The following RLBP1 variants were observed in gnomAD, a reference collection of about 807,000 sequenced individuals.
RLBP1 encodes retinaldehyde binding protein 1, also known as retinaldehyde-binding protein 1.
A neutral mutation model predicts 36.2 loss-of-function variants in RLBP1; 26 were observed. That is an observed-to-expected ratio of 0.72 (90% CI 0.53 to 1.00). The LOEUF (loss-of-function observed/expected upper bound fraction) is 1.00, where lower values mean the gene tolerates loss of function less well. Ranked by LOEUF, RLBP1 falls within the 50% of genes least tolerant of loss-of-function variation. The pLI, the probability that RLBP1 is intolerant of heterozygous loss-of-function variation, is 0.00. For synonymous variants in RLBP1, 155 were observed against 156.2 expected, an observed-to-expected ratio of 0.99 and a Z score of 0.06; for missense variants, 410 against 402.4, an observed-to-expected ratio of 1.02 and a Z score of -0.16.
At position 89,211,648 on chromosome 15, in the gene RLBP1, C is replaced by A; in HGVS notation, c.684+95G>T. 5.1e-6 allele frequency: 7 copies of A among 1,370,470 alleles called. No individual in the cohort carries two copies. The highest frequency in any genetic ancestry group is 6.1e-6 in the Non-Finnish European group (6 of 976,156). 84.9% of individuals were successfully genotyped at this position (1,370,470 alleles called of 1,614,324 possible). A position where few individuals can be genotyped will look rare whatever the true frequency, so the allele number is the denominator to read the frequency against. ...CTCTTTATGGCGCGAGGTGGTCCAACTTCTCAGTTCCCTGCAAGCACCATG... is the reference window on the plus strand; with the variant it reads ...CTCTTTATGGCGCGAGGTGGTCCAAATTCTCAGTTCCCTGCAAGCACCATG... On this transcript the variant is annotated intron_variant, in intron 7 of 8. Coordinates refer to ENST00000268125, the MANE Select transcript of RLBP1 (RefSeq NM_000326.5). This position sits in a 1 kb window ranked among gnomAD's most constrained non-coding sequence, Gnocchi z 5.8.
At position 89,211,913 on chromosome 15, in the gene RLBP1, A is replaced by G; in HGVS notation, c.526-12T>C. On this transcript the variant is annotated splice_polypyrimidine_tract_variant and intron_variant, in intron 6 of 8. Transcript: ENST00000268125. The surrounding 1 kb of genome is among the most constrained non-coding windows in gnomAD (Gnocchi z 5.8). ...TATGCCTGCAAGATCTTGGGCACAGAGAGAACAGGCTGTAAGATCTAACCC... is the reference window on the plus strand; with the variant it reads ...TATGCCTGCAAGATCTTGGGCACAGGGAGAACAGGCTGTAAGATCTAACCC... 10 of 1,614,132 alleles carry G rather than the reference A, an allele frequency of 6.2e-6. No individual in the cohort carries two copies. Among genetic ancestry groups the G allele is most frequent in the Non-Finnish European group, 7.6e-6 (9 of 1,180,032 alleles).
chr15:89,217,583 G>A (rs2150971471), intron 4 of RLBP1, among the ~76,000 whole-genome samples: 1 of 152,362 alleles, frequency 6.6e-6, no homozygotes, highest in African/African-American at 2.4e-5. Context: ...CACTCACTGA[G>A]CCTTTGCCTA....
chr15:89,216,442 C>G (rs2051580892), intron 5 of RLBP1, among the ~76,000 whole-genome samples: 1 of 152,214 alleles, frequency 6.6e-6, no homozygotes, highest in Non-Finnish European at 1.5e-5. Context: ...CCTGCTTCAG[C>G]CTCCCCAGTA....
At position 89,210,180 on chromosome 15, in the gene RLBP1, G is replaced by T. The variant is rs370364039; in HGVS notation, c.*105C>A. On this transcript the variant is annotated 3_prime_UTR_variant, in exon 9 of 9. Coordinates refer to ENST00000268125, the MANE Select transcript of RLBP1 (RefSeq NM_000326.5). The surrounding 1 kb of genome is among the most constrained non-coding windows in gnomAD (Gnocchi z 4.7). The stretch of plus-strand genomic sequence containing the variant: ...CTCACTCGGGCTTAGGGAGTCTAAG[G>T]GGGGACCACAGTCATCTCAAGCAGC... 3 of 1,365,474 alleles carry T rather than the reference G, an allele frequency of 2.2e-6. No individual in the cohort carries two copies. The highest frequency in any genetic ancestry group is 2.3e-5 in the South Asian group (2 of 85,464). The allele number at this position is 1,365,474 out of a possible 1,614,324, so 84.6% of individuals were successfully genotyped here.
In RLBP1 at chr15:89,217,103, C is replaced by T. The variant is rs919371413; in HGVS notation, c.346+17G>A. On this transcript the variant is annotated intron_variant, in intron 5 of 8. Transcript: ENST00000268125. ...CTCCCGTCTTCCCAGGGCCGTCCCT[C>T]CAAGCACTGGCCTCACCTCTGAGCA... 1.9e-6 allele frequency: 3 copies of T among 1,613,356 alleles called. No homozygotes were observed. The highest frequency in any genetic ancestry group is 2.5e-6 in the Non-Finnish European group (3 of 1,179,714).
intron 5 of RLBP1, among the ~76,000 whole-genome samples, chr15:89,216,592 G>A (rs572098806): frequency 1.3e-5 from 2 of 152,194 alleles, no homozygotes; most frequent in Non-Finnish European, 2.9e-5. Flanking sequence ...AAAGTGCTGG[G>A]ATTACAGGCG....
In RLBP1 at chr15:89,218,927, G is replaced by A. The variant is rs190151332; in HGVS notation, c.12+37C>T. ...AGGGAAGAGAGAGAAGAGAGGGAAG[G>A]TGGGTGGAGGAGAGCCCTGGAGGAC... On this transcript the variant is annotated intron_variant, in intron 3 of 8. Coordinates refer to ENST00000268125, the MANE Select transcript of RLBP1 (RefSeq NM_000326.5). The surrounding 1 kb of genome is among the most constrained non-coding windows in gnomAD (Gnocchi z 4.6). 7.5e-6 allele frequency: 12 copies of A among 1,609,172 alleles called. No homozygotes were observed. The East Asian group carries it at 2.5e-4, about 33-fold the overall frequency.
In RLBP1 at chr15:89,214,528, C is replaced by T. The variant is rs182093683; in HGVS notation, c.525+532G>A. Among the ~76,000 whole-genome samples the T allele has an allele frequency of 1.0e-3, 156 of 152,022 alleles. No homozygotes were observed. The highest frequency in any genetic ancestry group is 3.4e-3 in the African/African-American group (140 of 41,486). ...TTTTTTAAATTAAAGGAATCTTTTTCAGGCTCAGTGGCGCATGCCAAAGTT... is the reference window on the plus strand; with the variant it reads ...TTTTTTAAATTAAAGGAATCTTTTTTAGGCTCAGTGGCGCATGCCAAAGTT... On this transcript the variant is annotated intron_variant, in intron 6 of 8. Coordinates refer to ENST00000268125, the MANE Select transcript of RLBP1 (RefSeq NM_000326.5). The surrounding 1 kb of genome is among the most constrained non-coding windows in gnomAD (Gnocchi z 4.6).
In RLBP1 at chr15:89,211,687, CCT is replaced by C. The variant is rs950999462; in HGVS notation, c.684+54_684+55del. The C allele has an allele frequency of 2.1e-5, 33 of 1,582,334 alleles. No individual in the cohort carries two copies. In the African/African-American group the frequency reaches 3.0e-4, roughly 14 times the overall value. ...GCAAGCACCATGAAAGGAGGCCCAG[CCT>C]CTCAGCCTCCCCAGCTGTGGGAGGC... is the stretch of plus-strand genomic sequence containing the variant. On this transcript the variant is annotated intron_variant, in intron 7 of 8. Coordinates refer to ENST00000268125, the MANE Select transcript of RLBP1 (RefSeq NM_000326.5). This position sits in a 1 kb window ranked among gnomAD's most constrained non-coding sequence, Gnocchi z 5.8.
chr15:89,211,793 C>T lies in RLBP1; in HGVS notation c.634G>A (p.Ala212Thr), dbSNP rs1316990580. The change falls in exon 7 of 9, where the codon GCT becomes ACT. Residue 212 changes from alanine to threonine, a missense_variant. Physicochemically the swap from Ala to Thr is moderately conservative, Grantham distance 58 (BLOSUM62 0). Coordinates refer to ENST00000268125, the MANE Select transcript of RLBP1 (RefSeq NM_000326.5). The surrounding 1 kb of genome is among the most constrained non-coding windows in gnomAD (Gnocchi z 5.8). ...AGATCTGAAGTCCGGAGACTAGCAG[C>T]CTGCTGCATGGTAAAGCCCTTGAAG... Reference protein sequence around the residue: ...ENFKGFTMQQAASLRTSDLRK... With the variant: ...ENFKGFTMQQTASLRTSDLRK... 1.2e-6 allele frequency: 2 copies of T among 1,614,184 alleles called. No homozygotes were observed. Among genetic ancestry groups the T allele is most frequent in the Non-Finnish European group, 1.7e-6 (2 of 1,180,020 alleles).
Position 89,210,488 on chromosome 15 carries a change from CT to C in RLBP1, c.796-46del, listed in dbSNP as rs1406645272. On this transcript the variant is annotated intron_variant, in intron 8 of 8. Coordinates refer to ENST00000268125, the MANE Select transcript of RLBP1 (RefSeq NM_000326.5). This position sits in a 1 kb window ranked among gnomAD's most constrained non-coding sequence, Gnocchi z 4.7. The stretch of plus-strand genomic sequence containing the variant: ...ACAGAACTGAGCAGGAGGAGGTGCC[CT>C]AAGGATGAGGGTTGAGGGAGGAAAG... 2.4e-5 allele frequency: 39 copies of C among 1,609,794 alleles called. No individual in the cohort carries two copies. Among genetic ancestry groups the C allele is most frequent in the Non-Finnish European group, 3.3e-5 (39 of 1,176,618 alleles).
chr15:89,218,962 A>G lies in RLBP1; in HGVS notation c.12+2T>C. 1 of 1,613,858 alleles carries G rather than the reference A, an allele frequency of 6.2e-7. No individual in the cohort carries two copies. Among genetic ancestry groups the G allele is most frequent in the Non-Finnish European group, 8.5e-7 (1 of 1,179,856 alleles). On this transcript the variant is annotated splice_donor_variant, in intron 3 of 8. Transcript: ENST00000268125. LOFTEE classifies it high-confidence loss of function. This position sits in a 1 kb window ranked among gnomAD's most constrained non-coding sequence, Gnocchi z 4.6. ...GAGAGCCCTGGAGGACAGGGTACTT[A>G]CCCCTTCTGACATGTTGCCTATGGA...
Position 89,217,202 on chromosome 15 carries a change from C to T in RLBP1, c.264G>A (p.Val88=). 3 of 1,613,712 alleles carry T rather than the reference C, an allele frequency of 1.9e-6. No individual in the cohort carries two copies. The highest frequency in any genetic ancestry group is 2.5e-6 in the Non-Finnish European group (3 of 1,180,026). The change falls in exon 5 of 9, where the codon GTG becomes GTA. Residue 88 remains valine, a synonymous_variant. Transcript: ENST00000268125. ...EELAVAVAER[V]QEKDSGFFLR... ...GGAAGAAGCCGCTGTCCTTCTCTTG[C>T]ACCCTCTCCGCCACGGCCACCGCCA...
intron 4 of RLBP1, 32 bp from the exon 5 acceptor site, chr15:89,217,356 A>G (rs2051591141): frequency 6.3e-7 from 1 of 1,596,518 alleles, no homozygotes; most frequent in African/African-American, 1.3e-5. Flanking sequence ...ATGAAGTTAA[A>G]CTTAGGTGCG....
At chr15:89,212,935 G>A (rs1005670725) in intron 6 of RLBP1, among the ~76,000 whole-genome samples, 1 of 152,006 alleles carries the variant, frequency 6.6e-6, no homozygotes, top group Non-Finnish European at 1.5e-5. Flanking sequence ...GTTTCACCAT[G>A]TTGGCCAGGC....
At position 89,214,965 on chromosome 15, in the gene RLBP1, C is replaced by T; in HGVS notation, c.525+95G>A. 1.5e-6 allele frequency: 2 copies of T among 1,322,148 alleles called. No homozygotes were observed. The highest frequency in any genetic ancestry group is 2.2e-6 in the Non-Finnish European group (2 of 917,722). 81.9% of individuals were successfully genotyped at this position (1,322,148 alleles called of 1,614,324 possible). A position where few individuals can be genotyped will look rare whatever the true frequency, so the allele number is the denominator to read the frequency against. On this transcript the variant is annotated intron_variant, in intron 6 of 8. Coordinates refer to ENST00000268125, the MANE Select transcript of RLBP1 (RefSeq NM_000326.5). This position sits in a 1 kb window ranked among gnomAD's most constrained non-coding sequence, Gnocchi z 4.6. Reference sequence around the variant, plus strand: ...CACCTTTCCCCCTCTACAGACCTTGCCTCCTGGAGAACCAGGAATGAGGGC... The same window carrying T: ...CACCTTTCCCCCTCTACAGACCTTGTCTCCTGGAGAACCAGGAATGAGGGC...
At position 89,211,787 on chromosome 15, in the gene RLBP1, T is replaced by G. The variant is rs1339662311; in HGVS notation, c.640A>C (p.Ser214Arg). Reference protein sequence around the residue: ...FKGFTMQQAASLRTSDLRKMV... With the variant: ...FKGFTMQQAARLRTSDLRKMV... ...TTCCTGAGATCTGAAGTCCGGAGAC[T>G]AGCAGCCTGCTGCATGGTAAAGCCC... Residue 214 changes from serine (S) to arginine (R), a missense_variant, in exon 7 of 9, where the codon AGT (serine) becomes CGT (arginine). Physicochemically the swap from Ser to Arg is moderately radical, Grantham distance 110. Transcript: ENST00000268125. The surrounding 1 kb of genome is among the most constrained non-coding windows in gnomAD (Gnocchi z 5.8). 1.2e-6 allele frequency: 2 copies of G among 1,614,048 alleles called. No individual in the cohort carries two copies. The highest frequency in any genetic ancestry group is 2.7e-5 in the African/African-American group (2 of 74,944).
In RLBP1 at chr15:89,210,500, G is replaced by A; in HGVS notation, c.796-57C>T. 5.7e-6 allele frequency: 9 copies of A among 1,592,402 alleles called. No homozygotes were observed. The highest frequency in any genetic ancestry group is 7.8e-6 in the Non-Finnish European group (9 of 1,161,036). ...AGGAGGAGGTGCCCTAAGGATGAGG[G>A]TTGAGGGAGGAAAGGGGCAGGAGGA... On this transcript the variant is annotated intron_variant, in intron 8 of 8. Coordinates refer to ENST00000268125, the MANE Select transcript of RLBP1 (RefSeq NM_000326.5). The surrounding 1 kb of genome is among the most constrained non-coding windows in gnomAD (Gnocchi z 4.7).
Position 89,218,540 on chromosome 15 carries a change from C to G in RLBP1, c.141+25G>C, listed in dbSNP as rs1452426434. The G allele has an allele frequency of 6.2e-7, 1 of 1,614,206 alleles. No individual in the cohort carries two copies. Among genetic ancestry groups the G allele is most frequent in the East Asian group, 2.2e-5 (1 of 44,888 alleles). On this transcript the variant is annotated intron_variant, in intron 4 of 8. Coordinates refer to ENST00000268125, the MANE Select transcript of RLBP1 (RefSeq NM_000326.5). The surrounding 1 kb of genome is among the most constrained non-coding windows in gnomAD (Gnocchi z 4.6). ...CTCATGTTGCCTCCCTAGGCTGCTCCTCTCCGCACTGTCAGCCACCTCACC... is the reference window on the plus strand; with the variant it reads ...CTCATGTTGCCTCCCTAGGCTGCTCGTCTCCGCACTGTCAGCCACCTCACC...
Sources: gnomAD v4.1 joint callset for allele counts (sites outside exome capture counted in the v4.1 genomes callset) on GRCh38, gnomAD v4.1.1 for gene constraint, Gnocchi (gnomAD v3.1) non-coding constraint, MANE v1.5 for transcripts, NCBI Gene and HGNC (gene_info 2026-07-23, HGNC 2026-07-21) for gene names.